The following GLIS1 variants were observed in gnomAD, a reference collection of about 807,000 sequenced individuals.
GLIS1 encodes the protein GLIS family zinc finger 1.
In GLIS1, 24 loss-of-function variants were observed where a neutral mutation model predicts 63.8. That is an observed-to-expected ratio of 0.38 (90% confidence interval 0.27 to 0.53). GLIS1 has a LOEUF of 0.53. Ranked by LOEUF, GLIS1 falls within the 20% of genes least tolerant of loss-of-function variation. The pLI, the probability that GLIS1 is intolerant of heterozygous loss-of-function variation, is 0.85. For synonymous variants in GLIS1, 450 were observed against 482.5 expected, an observed-to-expected ratio of 0.93 and a Z score of 0.88; for missense variants, 1,036 against 1,074.1, an observed-to-expected ratio of 0.96 and a Z score of 0.50.
chr1:53,653,585 A>C, intron 2 of GLIS1, among the ~76,000 whole-genome samples: 1 of 150,808 alleles, frequency 6.6e-6, no homozygotes, highest in African/African-American at 2.4e-5. Context: ...CTTGGCCTCT[A>C]CCTCTTCTTT....
At chr1:53,563,394 A>T (rs1352464631) in intron 4 of GLIS1, among the ~76,000 whole-genome samples, 1 of 152,266 alleles carries the variant, frequency 6.6e-6, no homozygotes, top group Non-Finnish European at 1.5e-5. Flanking sequence ...CAAAACCACC[A>T]ATCAGATTTG....
intron 2 of GLIS1, among the ~76,000 whole-genome samples, chr1:53,621,289 C>G (rs1354059460): frequency 6.6e-6 from 1 of 152,214 alleles, no homozygotes; most frequent in African/African-American, 2.4e-5. Flanking sequence ...CAGCCAGGAG[C>G]AGGCCAGCCA....
At chr1:53,593,955 C>A (rs1645219594) in intron 4 of GLIS1, among the ~76,000 whole-genome samples, 153 bp downstream of exon 4, 1 of 152,196 alleles carries the variant, frequency 6.6e-6, no homozygotes, top group Non-Finnish European at 1.5e-5. Context: ...TGACCAGGGG[C>A]CACATCCACA....
At chr1:53,711,939 A>G (rs1281900133) in intron 2 of GLIS1, among the ~76,000 whole-genome samples, 1 of 152,178 alleles carries the variant, frequency 6.6e-6, no homozygotes, top group Admixed American at 6.5e-5. Context: ...CTTCGCTAGC[A>G]TGGGAGCCTG....
At chr1:53,528,751 T>C (rs1644497106) in intron 5 of GLIS1, among the ~76,000 whole-genome samples, 1 of 152,114 alleles carries the variant, frequency 6.6e-6, no homozygotes, top group Non-Finnish European at 1.5e-5. Flanking sequence ...TGGGCCCCTG[T>C]TTCCTCCTCA....
intron 4 of GLIS1, among the ~76,000 whole-genome samples, chr1:53,559,443 C>T (rs1345888551): frequency 6.6e-6 from 1 of 152,208 alleles, no homozygotes; most frequent in Non-Finnish European, 1.5e-5. Flanking sequence ...CCACTGTGGT[C>T]AGTCCCTCAG....
At position 53,506,611 on chromosome 1, in the gene GLIS1, G is replaced by A. The variant is rs770408353; in HGVS notation, c.*8C>T. The stretch of plus-strand genomic sequence containing the variant: ...GTGCTGGATGGGCAGGCGCATGTGG[G>A]GGCTCCTTCAGGTGTCTGTGTAGAT... On this transcript the variant is annotated 3_prime_UTR_variant, in exon 11 of 11. Coordinates refer to ENST00000628545, the MANE Select transcript of GLIS1 (RefSeq NM_001367484.1). 3.1e-6 allele frequency: 5 copies of A among 1,612,936 alleles called. No individual in the cohort carries two copies. Among genetic ancestry groups the A allele is most frequent in the African/African-American group, 1.3e-5 (1 of 74,940 alleles).
intron 4 of GLIS1, among the ~76,000 whole-genome samples, chr1:53,572,989 T>C (rs116717936): frequency 0.016 from 2,482 of 152,286 alleles, 67 homozygotes; most frequent in African/African-American, 0.057. Context: ...GAACAGAGCC[T>C]AGCACACCAA....
chr1:53,599,357 G>C (rs956706665), intron 3 of GLIS1, among the ~76,000 whole-genome samples: 1 of 152,310 alleles, frequency 6.6e-6, no homozygotes, highest in African/African-American at 2.4e-5. Context: ...GCCTTTATAA[G>C]ACGAAAGAGA....
chr1:53,713,205 C>T (rs1646663764), intron 2 of GLIS1, among the ~76,000 whole-genome samples: 1 of 134,410 alleles, frequency 7.4e-6, no homozygotes, highest in Admixed American at 7.5e-5. Context: ...CTCTTCAAGA[C>T]CAGCCTGGGC....
chr1:53,668,911 A>G (rs1261021047), intron 2 of GLIS1, among the ~76,000 whole-genome samples: 4 of 152,174 alleles, frequency 2.6e-5, no homozygotes, highest in South Asian at 2.1e-4. Flanking sequence ...GAAAGATAGG[A>G]TCAGGTCTGG....
chr1:53,589,300 C>T (rs1286996028), intron 4 of GLIS1, among the ~76,000 whole-genome samples: 1 of 152,190 alleles, frequency 6.6e-6, no homozygotes, highest in African/African-American at 2.4e-5. Context: ...TAGGGAATGG[C>T]TTGCATTGAG....
intron 2 of GLIS1, among the ~76,000 whole-genome samples, chr1:53,723,532 C>A (rs1334180136): frequency 1.3e-5 from 2 of 151,914 alleles, no homozygotes; most frequent in Non-Finnish European, 2.9e-5. Flanking sequence ...CCGCGCCTGG[C>A]CTTAAATTTA....
intron 4 of GLIS1, among the ~76,000 whole-genome samples, chr1:53,592,883 C>G (rs994667833): frequency 3.9e-5 from 6 of 152,240 alleles, no homozygotes; most frequent in African/African-American, 1.4e-4. Flanking sequence ...CTGTCCGACG[C>G]CCAGCTCCCA....
intron 2 of GLIS1, among the ~76,000 whole-genome samples, chr1:53,679,622 C>T (rs1646253597): frequency 6.6e-6 from 1 of 152,218 alleles, no homozygotes; most frequent in Non-Finnish European, 1.5e-5. Flanking sequence ...CACTGTGTCC[C>T]AGAGAGAAGT....
chr1:53,729,230 T>C (rs2100569189), intron 2 of GLIS1, among the ~76,000 whole-genome samples: 1 of 152,270 alleles, frequency 6.6e-6, no homozygotes, highest in Non-Finnish European at 1.5e-5. Context: ...TCTGGGATTT[T>C]TGCTCCGCAT....
At chr1:53,540,225 C>A (rs916418302) in intron 4 of GLIS1, among the ~76,000 whole-genome samples, 2 of 152,172 alleles carry the variant, frequency 1.3e-5, no homozygotes, top group Admixed American at 6.5e-5. Context: ...CACAGCCAAG[C>A]GGAGAGGAGC....
chr1:53,594,055 T>G, intron 4 of GLIS1, 53 bp downstream of exon 4: 1 of 1,552,620 alleles, frequency 6.4e-7, no homozygotes. Flanking sequence ...CTGGGGTGAG[T>G]GCTGCTCTGC....
rs1473274514 is a variant in GLIS1, at chr1:53,625,582, T to G, written c.260-25304A>C. Among the ~76,000 whole-genome samples, 3 of 152,198 alleles carry G rather than the reference T, an allele frequency of 2.0e-5. No homozygotes were observed. In the East Asian group the frequency reaches 5.8e-4, roughly 29 times the overall value. On this transcript the variant is annotated intron_variant, in intron 2 of 10. Transcript: ENST00000628545. ...TCCTGTTGACATTCTTGTCTCCCCA[T>G]CTTAGATGGCATCCCCCAGGCCCAA...
Sources: gnomAD v4.1 joint callset for allele counts (sites outside exome capture counted in the v4.1 genomes callset) on GRCh38, gnomAD v4.1.1 for gene constraint, MANE v1.5 for transcripts, NCBI Gene and HGNC (gene_info 2026-07-23, HGNC 2026-07-21) for gene names.